The following KCNQ1 variants were observed in gnomAD, a reference collection of about 807,000 sequenced individuals.
KCNQ1 encodes potassium voltage-gated channel subfamily KQT member 1.
KCNQ1 carries 49 observed loss-of-function variants against 72.4 expected under a neutral mutation model. The observed-to-expected ratio is 0.68, with a 90% CI of 0.54 to 0.86. KCNQ1 has a LOEUF of 0.86. Ranked by LOEUF, KCNQ1 falls within the 40% of genes least tolerant of loss-of-function variation. KCNQ1 has a pLI of 0.00. For missense variants in KCNQ1, 790 were observed against 945.1 expected, an observed-to-expected ratio of 0.84 and a Z score of 2.15; for synonymous variants, 450 against 412.6, an observed-to-expected ratio of 1.09 and a Z score of -1.10.
rs1779846448 is a variant in KCNQ1 at position 2,772,104 on chromosome 11, G to T, written c.1590+3185G>T. Among the ~76,000 whole-genome samples, 1 of 152,172 alleles carries T rather than the reference G, an allele frequency of 6.6e-6. No individual in the cohort carries two copies. The highest frequency in any genetic ancestry group is 2.1e-4 in the South Asian group (1 of 4,836). On this transcript the variant is annotated intron_variant, in intron 12 of 15. Transcript: ENST00000155840. The surrounding 1 kb of genome is among the most constrained non-coding windows in gnomAD (Gnocchi z 6.6). Reference sequence around the variant, plus strand: ...TCTTATTGCTGGGAGCAGCATGGAGGGGTGGGGCCAGGGTGAGGGGAGCAG... The same window carrying T: ...TCTTATTGCTGGGAGCAGCATGGAGTGGTGGGGCCAGGGTGAGGGGAGCAG...
chr11:2,596,780 C>T (rs933798503), intron 10 of KCNQ1, among the ~76,000 whole-genome samples: 1 of 151,728 alleles, frequency 6.6e-6, no homozygotes, highest in Non-Finnish European at 1.5e-5. Context: ...ATAATCATGG[C>T]GATGGTTTCA....
chr11:2,617,964 T>G lies in KCNQ1; in HGVS notation c.1393+29110T>G, dbSNP rs1425552354. The G allele has an allele frequency of 2.5e-6, 1 of 398,474 alleles. No homozygotes were observed. Among genetic ancestry groups the G allele is most frequent in the Non-Finnish European group, 4.4e-6 (1 of 226,050 alleles). The allele number at this position is 398,474 out of a possible 1,614,324, so 24.7% of individuals were successfully genotyped here. ...TTATAAGATATATGGTTGGCAAATA[T>G]TTTCTTCTAGTCCATAGGTTGCCTT... On this transcript the variant is annotated intron_variant, in intron 10 of 15. Coordinates refer to ENST00000155840, the MANE Select transcript of KCNQ1 (RefSeq NM_000218.3). This position sits in a 1 kb window ranked among gnomAD's most constrained non-coding sequence, Gnocchi z 4.6.
At chr11:2,729,559 G>A (rs1425610506) in intron 11 of KCNQ1, among the ~76,000 whole-genome samples, 4 of 152,248 alleles carry the variant, frequency 2.6e-5, no homozygotes, top group Admixed American at 2.0e-4. Flanking sequence ...GAAAATGTTT[G>A]GAAAGAAAGT....
chr11:2,474,845 G>A (rs1846547957), intron 1 of KCNQ1, among the ~76,000 whole-genome samples: 1 of 152,062 alleles, frequency 6.6e-6, no homozygotes, highest in Admixed American at 6.5e-5. Flanking sequence ...TGGGGGACTT[G>A]CCTATGGGAA....
intron 12 of KCNQ1, among the ~76,000 whole-genome samples, chr11:2,774,083 C>T (rs1846650353): frequency 1.3e-5 from 2 of 151,962 alleles, no homozygotes; most frequent in Non-Finnish European, 2.9e-5. Flanking sequence ...CTCAGTATCT[C>T]CATCTTATAG....
chr11:2,612,181 GGCAA>G lies in KCNQ1; in HGVS notation c.1393+23335_1393+23338del. ...GCTACACAGCAGGAGGTGAGCAGCAGGCAAGCAAGCATTACTGCCTGAGCTCTGC... is the reference window on the plus strand; with the variant it reads ...GCTACACAGCAGGAGGTGAGCAGCAGGCAAGCATTACTGCCTGAGCTCTGC... On this transcript the variant is annotated intron_variant, in intron 10 of 15. Transcript: ENST00000155840. The surrounding 1 kb of genome is among the most constrained non-coding windows in gnomAD (Gnocchi z 5.5). The G allele has an allele frequency of 2.5e-6, 1 of 398,674 alleles. No homozygotes were observed. The allele number at this position is 398,674 out of a possible 1,614,324, so 24.7% of individuals were successfully genotyped here.
chr11:2,699,978 G>A (rs970080056), intron 11 of KCNQ1: 25 of 398,328 alleles, frequency 6.3e-5, no homozygotes, highest in South Asian at 1.3e-4. Context: ...GTGCTGAGGC[G>A]ACGCGGCGAC....
intron 11 of KCNQ1, chr11:2,699,121 C>A: frequency 2.5e-6 from 1 of 398,652 alleles, no homozygotes; most frequent in Non-Finnish European, 4.4e-6. Context: ...AACCACGATG[C>A]GGATTCCAGA....
At chr11:2,460,263 G>A (rs982412342) in intron 1 of KCNQ1, among the ~76,000 whole-genome samples, 3 of 152,220 alleles carry the variant, frequency 2.0e-5, no homozygotes, top group Non-Finnish European at 2.9e-5. Flanking sequence ...GTGGCTGCAG[G>A]GCGGCGGAGC....
rs182146051 is a variant in KCNQ1 at position 2,617,530 on chromosome 11, G to A, written c.1393+28676G>A. The A allele has an allele frequency of 7.0e-5, 28 of 398,376 alleles. No homozygotes were observed. The highest frequency in any genetic ancestry group is 6.3e-4 in the Middle Eastern group (1 of 1,586). 24.7% of individuals were successfully genotyped at this position (398,376 alleles called of 1,614,324 possible). On this transcript the variant is annotated intron_variant, in intron 10 of 15. Transcript: ENST00000155840. This position sits in a 1 kb window ranked among gnomAD's most constrained non-coding sequence, Gnocchi z 4.6. ...ATAATGCCACAATGAATATAGGAGC[G>A]CAGATATCTTTATGAGGTGGAGATT... is the stretch of plus-strand genomic sequence containing the variant.
At position 2,490,683 on chromosome 11, in the gene KCNQ1, A is replaced by AT. The variant is rs558290530; in HGVS notation, c.387-37237dup. 1.1e-4 allele frequency among the ~76,000 whole-genome samples: 16 copies of AT among 152,184 alleles called. No individual in the cohort carries two copies. The South Asian group carries it at 1.7e-3, about 16-fold the overall frequency. On this transcript the variant is annotated intron_variant, in intron 1 of 15. Transcript: ENST00000155840. ...TCTTATCTAAGACCACCAAGGCAGT[A>AT]TTTTTTTTAATATTTATTTTTTGAA...
chr11:2,728,885 GT>G (rs915302804), intron 11 of KCNQ1, among the ~76,000 whole-genome samples: 2 of 152,244 alleles, frequency 1.3e-5, no homozygotes, highest in Non-Finnish European at 2.9e-5. Context: ...AGAAACTTCT[GT>G]GCAGTCAGGG....
At chr11:2,780,518 C>T (rs1396054150) in intron 15 of KCNQ1, among the ~76,000 whole-genome samples, 7 of 152,228 alleles carry the variant, frequency 4.6e-5, no homozygotes, top group African/African-American at 1.4e-4. Context: ...CACCTCATCC[C>T]GCTGGTCTGG....
rs530074004 is a variant in KCNQ1 at position 2,483,204 on chromosome 11, T to C, written c.386+37720T>C. Among the ~76,000 whole-genome samples, 1 of 152,072 alleles carries C rather than the reference T, an allele frequency of 6.6e-6. No homozygotes were observed. Among genetic ancestry groups the C allele is most frequent in the South Asian group, 2.1e-4 (1 of 4,810 alleles). On this transcript the variant is annotated intron_variant, in intron 1 of 15. Coordinates refer to ENST00000155840, the MANE Select transcript of KCNQ1 (RefSeq NM_000218.3). This position sits in a 1 kb window ranked among gnomAD's most constrained non-coding sequence, Gnocchi z 6.1. ...AACTGTGCAGGGAAGGTGCTGGAGA[T>C]AGGACGGGAGGGCCACGAGGGTTAA...
chr11:2,585,188 A>G (rs771126271), intron 7 of KCNQ1, 24 bp from the exon 8 acceptor site: 2 of 1,605,594 alleles, frequency 1.2e-6, no homozygotes, highest in Admixed American at 3.3e-5. Flanking sequence ...TGTGGACGGG[A>G]GCCTCCTGTC....
chr11:2,672,217 C>T (rs550492367), intron 11 of KCNQ1: 5 of 398,638 alleles, frequency 1.3e-5, no homozygotes, highest in East Asian at 1.1e-4. Context: ...AATTGAATTC[C>T]TTCCAGTCCA....
At chr11:2,700,059 C>T (rs1850772917) in intron 11 of KCNQ1, 1 of 398,142 alleles carries the variant, frequency 2.5e-6, no homozygotes, top group Non-Finnish European at 4.4e-6. Flanking sequence ...CGCCCCCCAC[C>T]TGCTGATTGG....
chr11:2,569,182 C>T (rs1848290383), intron 2 of KCNQ1, among the ~76,000 whole-genome samples: 1 of 152,232 alleles, frequency 6.6e-6, no homozygotes, highest in African/African-American at 2.4e-5. Flanking sequence ...CCGCACCTGG[C>T]CCACACCCTT....
At position 2,544,558 on chromosome 11, in the gene KCNQ1, C is replaced by G. The variant is rs547339953; in HGVS notation, c.477+16540C>G. ...GTTTCATAGTTTTTAGTGTATAGGT[C>G]TTGTACATCTTTTGAGGTACCTAAG... On this transcript the variant is annotated intron_variant, in intron 2 of 15. Coordinates refer to ENST00000155840, the MANE Select transcript of KCNQ1 (RefSeq NM_000218.3). The surrounding 1 kb of genome is among the most constrained non-coding windows in gnomAD (Gnocchi z 4.4). Among the ~76,000 whole-genome samples the G allele has an allele frequency of 6.6e-6, 1 of 151,730 alleles. No homozygotes were observed. Among genetic ancestry groups the G allele is most frequent in the South Asian group, 2.1e-4 (1 of 4,812 alleles).
Sources: allele counts gnomAD v4.1 joint callset (sites outside exome capture counted in the v4.1 genomes callset), GRCh38; gene constraint gnomAD v4.1.1; non-coding constraint Gnocchi (gnomAD v3.1); transcripts MANE v1.5; gene names NCBI Gene and HGNC (gene_info 2026-07-23, HGNC 2026-07-21).